IQSEC3: variants seen among roughly 807,000 people sequenced by gnomAD.
IQSEC3 encodes IQ motif and SEC7 domain-containing protein 3.
In IQSEC3, 50 loss-of-function variants were observed where a neutral mutation model predicts 105.4. The observed-to-expected ratio is 0.47, with a 90% CI of 0.38 to 0.60. The LOEUF is 0.60. Among genes scored for constraint, IQSEC3 ranks in the 20% least tolerant of loss-of-function variants. The pLI is 0.00. For synonymous variants in IQSEC3, 708 were observed against 746.0 expected (o/e 0.95, Z 0.83); for missense variants, 1,415 against 1,630.0 (o/e 0.87, Z 2.27).
chr12:136,491 G>C (rs1270594789), intron 3 of IQSEC3, among the ~76,000 whole-genome samples: 1 of 152,148 alleles, frequency 6.6e-6, no homozygotes, highest in East Asian at 1.9e-4. Context: ...AGCCTTTGGG[G>C]GCTCCAGTGG....
At chr12:85,745 T>C (rs1406879948) in intron 1 of IQSEC3, among the ~76,000 whole-genome samples, 3 of 152,210 alleles carry the variant, frequency 2.0e-5, no homozygotes, top group Admixed American at 6.5e-5. Flanking sequence ...GCTGTGATAC[T>C]GAGCAAATAT....
chr12:169,799 A>C (rs1555099726), intron 12 of IQSEC3, among the ~76,000 whole-genome samples: 3 of 152,210 alleles, frequency 2.0e-5, no homozygotes, highest in Non-Finnish European at 4.4e-5. Flanking sequence ...GGGGAGATGC[A>C]TGAGAATTCA....
At chr12:74,189 A>G (rs1199794163) in intron 1 of IQSEC3, among the ~76,000 whole-genome samples, 2 of 152,230 alleles carry the variant, frequency 1.3e-5, no homozygotes, top group Admixed American at 6.5e-5. Context: ...AATGAGGCTG[A>G]ATCAATTTCT....
intron 5 of IQSEC3, among the ~76,000 whole-genome samples, chr12:146,212 C>T (rs1021389975): frequency 3.3e-5 from 5 of 152,218 alleles, no homozygotes; most frequent in African/African-American, 1.2e-4. Flanking sequence ...TTGAGAATGT[C>T]CTGCCCACAT....
chr12:110,730 C>T (rs1864854144), intron 2 of IQSEC3, among the ~76,000 whole-genome samples: 1 of 152,110 alleles, frequency 6.6e-6, no homozygotes, highest in Non-Finnish European at 1.5e-5. Flanking sequence ...ATTGATCTAG[C>T]TGCTCTGCTA....
rs189428079 is a variant in IQSEC3, at chr12:118,518, G to A, written c.624-7115G>A. Among the ~76,000 whole-genome samples, 128 of 152,204 alleles carry A rather than the reference G, an allele frequency of 8.4e-4. 1 individual carries two copies. The highest frequency in any genetic ancestry group is 8.3e-3 in the Admixed American group (127 of 15,282). On this transcript the variant is annotated intron_variant, in intron 2 of 13. Coordinates refer to ENST00000538872, the MANE Select transcript of IQSEC3 (RefSeq NM_001170738.2). ...CTTTAAGAATGGCTGGCAGAGTCTG[G>A]GATAATCTAGTGCAATTGGCCAGGC... is the stretch of plus-strand genomic sequence containing the variant.
intron 2 of IQSEC3, among the ~76,000 whole-genome samples, chr12:125,226 G>A (rs995035923): frequency 5.3e-5 from 8 of 152,190 alleles, no homozygotes; most frequent in Non-Finnish European, 4.4e-5. Context: ...AACTTCAGCC[G>A]CCAGTATCCC....
rs1555094555 is a variant in IQSEC3 at position 157,094 on chromosome 12, C to T, written c.2223C>T (p.His741=). The part of the protein sequence containing the change: ...LDEALRKFQA[H]IRVQGEAQKV... Reference sequence around the variant, plus strand: ...AGGCCCTGCGCAAGTTCCAGGCACACATCCGTGTGCAGGGGGAGGCTCAGA... The same window carrying T: ...AGGCCCTGCGCAAGTTCCAGGCACATATCCGTGTGCAGGGGGAGGCTCAGA... Residue 741 remains histidine (H), a synonymous_variant, in exon 6 of 14, where the codon CAC becomes CAT. Transcript: ENST00000538872. 2.5e-6 allele frequency: 4 copies of T among 1,603,772 alleles called. No individual in the cohort carries two copies. Among genetic ancestry groups the T allele is most frequent in the East Asian group, 2.2e-5 (1 of 44,534 alleles).
chr12:131,443 C>T (rs1417100954), intron 3 of IQSEC3, among the ~76,000 whole-genome samples: 3 of 152,180 alleles, frequency 2.0e-5, no homozygotes, highest in Non-Finnish European at 2.9e-5. Context: ...GCCTCGCTGT[C>T]ATGGATGGAG....
chr12:131,962 A>G (rs1166057415), intron 3 of IQSEC3, among the ~76,000 whole-genome samples: 3 of 152,150 alleles, frequency 2.0e-5, no homozygotes, highest in Non-Finnish European at 4.4e-5. Flanking sequence ...ACTAAGACAT[A>G]TTTGATGCCG....
intron 1 of IQSEC3, among the ~76,000 whole-genome samples, chr12:73,466 G>A (rs1382173414): frequency 1.6e-4 from 25 of 152,354 alleles, no homozygotes; most frequent in African/African-American, 5.8e-4. Context: ...CTGAGGTCAG[G>A]AGTTTGAGAC....
At chr12:170,457 C>G (rs1938923358) in intron 12 of IQSEC3, among the ~76,000 whole-genome samples, 1 of 152,220 alleles carries the variant, frequency 6.6e-6, no homozygotes, top group Non-Finnish European at 1.5e-5. Context: ...AAGCAGAGGG[C>G]TGAGCACAGC....
chr12:76,866 G>A (rs1395660585), intron 1 of IQSEC3, among the ~76,000 whole-genome samples: 4 of 152,250 alleles, frequency 2.6e-5, no homozygotes, highest in Non-Finnish European at 5.9e-5. Context: ...TGGTACCAAT[G>A]ACCTCTCAGG....
chr12:161,898 A>G (rs1311130637), intron 7 of IQSEC3, 28 bp from the exon 8 acceptor site: 3 of 1,478,222 alleles, frequency 2.0e-6, no homozygotes, highest in African/African-American at 2.9e-5. Context: ...CAACCCCACC[A>G]CCACCCCTGC....
intron 3 of IQSEC3, among the ~76,000 whole-genome samples, chr12:126,573 G>GTGTA (rs1555083564): frequency 4.7e-5 from 7 of 149,980 alleles, no homozygotes; most frequent in African/African-American, 1.8e-4. Flanking sequence ...GTGTGTGTGT[G>GTGTA]CGCTTAGAGA....
chr12:76,048 A>G (rs1863507225), intron 1 of IQSEC3, among the ~76,000 whole-genome samples: 1 of 152,110 alleles, frequency 6.6e-6, no homozygotes, highest in South Asian at 2.1e-4. Context: ...CAGCCCAGGA[A>G]GCTGCATTAA....
chr12:136,877 C>G (rs1406555134), intron 3 of IQSEC3, among the ~76,000 whole-genome samples: 1 of 152,182 alleles, frequency 6.6e-6, no homozygotes, highest in Admixed American at 6.5e-5. Context: ...CCTCCCCAGT[C>G]CTTTCCTGAG....
In IQSEC3 at chr12:138,997, G is replaced by A. The variant is rs782548549; in HGVS notation, c.1634G>A (p.Arg545Gln). ...REAPEAPAVG[R>Q]EDASAEDSCA... ...GCCCCGGAAGCCCCCGCCGTGGGCC[G>A]GGAGGACGCGTCAGCCGAGGACTCA... The change falls in exon 4 of 14, where the codon CGG becomes CAG. Residue 545 changes from arginine to glutamine, a missense_variant. By Grantham distance (43) the Arg-to-Gln change is conservative. Coordinates refer to ENST00000538872, the MANE Select transcript of IQSEC3 (RefSeq NM_001170738.2). The surrounding 1 kb of genome is among the most constrained non-coding windows in gnomAD (Gnocchi z 7.1). The A allele has an allele frequency of 1.1e-5, 17 of 1,528,848 alleles. No homozygotes were observed. The highest frequency in any genetic ancestry group is 4.9e-5 in the South Asian group (4 of 81,900). 94.7% of individuals were successfully genotyped at this position (1,528,848 alleles called of 1,614,324 possible).
At chr12:88,262 C>T (rs193151425) in intron 1 of IQSEC3, among the ~76,000 whole-genome samples, 1 of 152,272 alleles carries the variant, frequency 6.6e-6, no homozygotes, top group East Asian at 1.9e-4. Context: ...AATAAGGTCC[C>T]TGCAGCAGCT....
Sources: gnomAD v4.1 joint callset for allele counts (sites outside exome capture counted in the v4.1 genomes callset) on GRCh38, gnomAD v4.1.1 for gene constraint, Gnocchi (gnomAD v3.1) non-coding constraint, MANE v1.5 for transcripts, NCBI Gene and HGNC (gene_info 2026-07-23, HGNC 2026-07-21) for gene names.